The following TCF15 variants were observed in gnomAD, a reference collection of about 807,000 sequenced individuals.
TCF15 encodes TCF-15.
TCF15 carries 7 observed loss-of-function variants against 11.1 expected under a neutral mutation model. The observed-to-expected ratio is 0.63, with a 90% CI of 0.36 to 1.19. The LOEUF is 1.19. Ranked by LOEUF, TCF15 falls within the 50% of genes most tolerant of loss-of-function variation. The pLI is 0.02. For missense variants in TCF15, 288 were observed against 289.4 expected, an observed-to-expected ratio of 1.00 and a Z score of 0.03; for synonymous variants, 144 against 138.9, an observed-to-expected ratio of 1.04 and a Z score of -0.26.
chr20:609,957 G>A lies in TCF15; in HGVS notation c.281C>T (p.Ala94Val), dbSNP rs752008505. The change falls in exon 1 of 2, where the codon GCG (alanine) becomes GTG (valine). Residue 94 changes from alanine (A) to valine (V), a missense_variant. Ala to Val is a moderately conservative substitution (Grantham distance 64). Transcript: ENST00000246080. This position sits in a 1 kb window ranked among gnomAD's most constrained non-coding sequence, Gnocchi z 4.7. Reference sequence around the variant, plus strand: ...CTCGGTGGGGATGAGCGTGCGCAGCGCCGTGAAGGCCGTGTTCACGCTCTG... The same window carrying A: ...CTCGGTGGGGATGAGCGTGCGCAGCACCGTGAAGGCCGTGTTCACGCTCTG... ...RTQSVNTAFT[A>V]LRTLIPTEPV... The A allele has an allele frequency of 5.4e-6, 8 of 1,479,192 alleles. No homozygotes were observed. Among genetic ancestry groups the A allele is most frequent in the Non-Finnish European group, 7.1e-6 (8 of 1,121,820 alleles). The allele number at this position is 1,479,192 out of a possible 1,614,324, so 91.6% of individuals were successfully genotyped here. A position where few individuals can be genotyped will look rare whatever the true frequency, so the allele number is the denominator to read the frequency against.
chr20:610,284 C>CGCCCCGCCGT lies in TCF15; in HGVS notation c.-57_-48dup. ...GTGCGCCGCGTCCCAGCGTCGGCCG[C>CGCCCCGCCGT]GCCCCGCCGTGCGCTCCCGCGCGCT... On this transcript the variant is annotated 5_prime_UTR_variant, in exon 1 of 2. Coordinates refer to ENST00000246080, the MANE Select transcript of TCF15 (RefSeq NM_004609.4). 1 of 987,842 alleles carries CGCCCCGCCGT rather than the reference C, an allele frequency of 1.0e-6. No homozygotes were observed. The highest frequency in any genetic ancestry group is 1.2e-6 in the Non-Finnish European group (1 of 832,264). 61.2% of individuals were successfully genotyped at this position (987,842 alleles called of 1,614,324 possible).
In TCF15 at chr20:610,079, G is replaced by A. The variant is rs188157; in HGVS notation, c.159C>T (p.Pro53=). ...GPEAARRGPG[P]GGGRRAGGGG... is the part of the protein sequence containing the mutation. The stretch of plus-strand genomic sequence containing the variant: ...CGCCGCCCGCCCGCCGCCCGCCCCC[G>A]GGGCCCGGGCCGCGCCGCGCCGCCT... Residue 53 remains proline, a synonymous_variant, in exon 1 of 2, where the codon CCC becomes CCT. Transcript: ENST00000246080. 1 of 985,166 alleles carries A rather than the reference G, an allele frequency of 1.0e-6. No homozygotes were observed. The highest frequency in any genetic ancestry group is 1.2e-6 in the Non-Finnish European group (1 of 831,664). 61.0% of individuals were successfully genotyped at this position (985,166 alleles called of 1,614,324 possible).
In TCF15 at chr20:604,326, G is replaced by T. The variant is rs998851762; in HGVS notation, c.*265C>A. The T allele has an allele frequency of 1.2e-5, 7 of 568,086 alleles. No individual in the cohort carries two copies. Among genetic ancestry groups the T allele is most frequent in the Non-Finnish European group, 1.9e-5 (6 of 315,324 alleles). 35.2% of individuals were successfully genotyped at this position (568,086 alleles called of 1,614,324 possible). On this transcript the variant is annotated 3_prime_UTR_variant, in exon 2 of 2. Transcript: ENST00000246080. This position sits in a 1 kb window ranked among gnomAD's most constrained non-coding sequence, Gnocchi z 4.2. ...TCACACACACTCACACTCACGCACA[G>T]ATACACACACACCCTGTCACCAACA...
chr20:606,446 C>A (rs1403413756), intron 1 of TCF15, among the ~76,000 whole-genome samples: 1 of 152,112 alleles, frequency 6.6e-6, no homozygotes, highest in South Asian at 2.1e-4. Flanking sequence ...GAAATGGGGA[C>A]AAAATGATTT....
chr20:606,136 C>T (rs916031768), intron 1 of TCF15, among the ~76,000 whole-genome samples: 1 of 152,120 alleles, frequency 6.6e-6, no homozygotes, highest in Non-Finnish European at 1.5e-5. Flanking sequence ...AGCCCAGGGA[C>T]AGCATGTTCA....
In TCF15 at chr20:604,664, C is replaced by A. The variant is rs1198332246; in HGVS notation, c.527G>T (p.Gly176Val). The change falls in exon 2 of 2, where the codon GGT becomes GTT. Residue 176 changes from glycine (G) to valine (V), a missense_variant and splice_region_variant. By Grantham distance (109) the Gly-to-Val change is moderately radical. Coordinates refer to ENST00000246080, the MANE Select transcript of TCF15 (RefSeq NM_004609.4). The surrounding 1 kb of genome is among the most constrained non-coding windows in gnomAD (Gnocchi z 4.2). ...TFCLSNQRKG[G>V]GRRDLGGSCL... ...GCTGCCCCCCAGGTCACGACGGCCA[C>A]CCTGCAGAGGGGGAGAAAGAGTATA... 1.3e-6 allele frequency: 2 copies of A among 1,551,516 alleles called. No homozygotes were observed.
In TCF15 at chr20:607,182, CAG is replaced by C. The variant is rs199849541; in HGVS notation, c.526-2519_526-2518del. On this transcript the variant is annotated intron_variant, in intron 1 of 1. Transcript: ENST00000246080. ...CCCAGCTACCCTCTGGGTATACCAA[CAG>C]GGGAGAGCCTTACAAGATGATCCTG... Among the ~76,000 whole-genome samples, 417 of 152,334 alleles carry C rather than the reference CAG, an allele frequency of 2.7e-3. 1 individual carries two copies. The highest frequency in any genetic ancestry group is 9.5e-3 in the African/African-American group (396 of 41,570).
Position 609,234 on chromosome 20 carries a change from G to A in TCF15, c.525+479C>T, listed in dbSNP as rs1029197942. Among the ~76,000 whole-genome samples the A allele has an allele frequency of 1.8e-4, 27 of 152,188 alleles. No individual in the cohort carries two copies. Among genetic ancestry groups the A allele is most frequent in the Non-Finnish European group, 1.5e-5 (1 of 68,038 alleles). On this transcript the variant is annotated intron_variant, in intron 1 of 1. Coordinates refer to ENST00000246080, the MANE Select transcript of TCF15 (RefSeq NM_004609.4). The surrounding 1 kb of genome is among the most constrained non-coding windows in gnomAD (Gnocchi z 4.7). The stretch of plus-strand genomic sequence containing the variant: ...CACACCGGGCAAGCCCAGGGCCAGC[G>A]CCCCGGCTTCCCAGCTGAGTAAATG...
Position 609,771 on chromosome 20 carries a change from T to G in TCF15, c.467A>C (p.Asp156Ala). The G allele has an allele frequency of 7.1e-7, 1 of 1,408,796 alleles. No individual in the cohort carries two copies. Among genetic ancestry groups the G allele is most frequent in the Admixed American group, 3.5e-5 (1 of 28,852 alleles). 87.3% of individuals were successfully genotyped at this position (1,408,796 alleles called of 1,614,324 possible). A position where few individuals can be genotyped will look rare whatever the true frequency, so the allele number is the denominator to read the frequency against. The change falls in exon 1 of 2, where the codon GAC becomes GCC. Residue 156 changes from aspartate (D) to alanine (A), a missense_variant. By Grantham distance (126) the Asp-to-Ala change is moderately radical. Transcript: ENST00000246080. The surrounding 1 kb of genome is among the most constrained non-coding windows in gnomAD (Gnocchi z 4.7). The stretch of plus-strand genomic sequence containing the variant: ...GATGGAGCGCGGCTGGCGGCCGCCG[T>G]CGGCGGCGGCGGGGACGGCGCCCTT... ...SAKGAVPAAA[D>A]GGRQPRSICT...
At position 609,754 on chromosome 20, in the gene TCF15, G is replaced by A. The variant is rs754374242; in HGVS notation, c.484C>T (p.Arg162Cys). The A allele has an allele frequency of 2.0e-5, 28 of 1,404,002 alleles. No individual in the cohort carries two copies. Among genetic ancestry groups the A allele is most frequent in the East Asian group, 3.0e-5 (1 of 32,860 alleles). 87.0% of individuals were successfully genotyped at this position (1,404,002 alleles called of 1,614,324 possible). Residue 162 changes from arginine (R) to cysteine (C), a missense_variant, in exon 1 of 2, where the codon CGC (arginine) becomes TGC (cysteine). Physicochemically the swap from Arg to Cys is radical, Grantham distance 180. Transcript: ENST00000246080. This position sits in a 1 kb window ranked among gnomAD's most constrained non-coding sequence, Gnocchi z 4.7. ...CTGAGGCAGAAGGTGCAGATGGAGC[G>A]CGGCTGGCGGCCGCCGTCGGCGGCG... is the stretch of plus-strand genomic sequence containing the variant. ...PAAADGGRQP[R>C]SICTFCLSNQ...
chr20:605,790 G>C (rs941336169), intron 1 of TCF15, among the ~76,000 whole-genome samples: 4 of 152,232 alleles, frequency 2.6e-5, no homozygotes, highest in Non-Finnish European at 5.9e-5. Flanking sequence ...CCGTAAGCCA[G>C]AGAGGTCACA....
intron 1 of TCF15, among the ~76,000 whole-genome samples, chr20:608,978 T>A (rs182544642): frequency 1.3e-5 from 2 of 152,112 alleles, no homozygotes; most frequent in Non-Finnish European, 2.9e-5. Flanking sequence ...CCAGGACACA[T>A]TGCAGGAGCT....
chr20:610,150 C>T lies in TCF15; in HGVS notation c.88G>A (p.Glu30Lys). Residue 30 changes from glutamate (E) to lysine (K), a missense_variant, in exon 1 of 2, where the codon GAG becomes AAG. Coordinates refer to ENST00000246080, the MANE Select transcript of TCF15 (RefSeq NM_004609.4). ...AACGACTGGTCCGACGCGTCGCTCT[C>T]GCTGCGGTTCTCCTCGTCCTCGCTC... ...LLSEDEENRS[E>K]SDASDQSFGC... The T allele has an allele frequency of 9.6e-7, 1 of 1,037,528 alleles. No individual in the cohort carries two copies. Among genetic ancestry groups the T allele is most frequent in the Non-Finnish European group, 1.2e-6 (1 of 858,328 alleles). The allele number at this position is 1,037,528 out of a possible 1,614,324, so 64.3% of individuals were successfully genotyped here. A position where few individuals can be genotyped will look rare whatever the true frequency, so the allele number is the denominator to read the frequency against.
Position 610,062 on chromosome 20 carries a change from G to GCCCC in TCF15, c.175_176insGGGG (p.Ala59GlyfsTer123). On this transcript the variant is annotated frameshift_variant, in exon 1 of 2. Transcript: ENST00000246080. LOFTEE classifies it high-confidence loss of function. ...GGGGCCCGCGCCGCCGCCGCCGCCC[G>GCCCC]CCCGCCGCCCGCCCCCGGGGCCCGG... is the stretch of plus-strand genomic sequence containing the variant. The GCCCC allele has an allele frequency of 9.7e-7, 1 of 1,026,608 alleles. No homozygotes were observed. Among genetic ancestry groups the GCCCC allele is most frequent in the Non-Finnish European group, 1.2e-6 (1 of 858,664 alleles). 63.6% of individuals were successfully genotyped at this position (1,026,608 alleles called of 1,614,324 possible). A position where few individuals can be genotyped will look rare whatever the true frequency, so the allele number is the denominator to read the frequency against.
At chr20:608,379 T>A (rs899448996) in intron 1 of TCF15, among the ~76,000 whole-genome samples, 7 of 152,118 alleles carry the variant, frequency 4.6e-5, no homozygotes, top group African/African-American at 1.7e-4. Context: ...TGAAAGGCAG[T>A]CAGGGAGTAT....
Position 604,704 on chromosome 20 carries a change from G to C in TCF15, c.526-39C>G. ...GAAAGAGTATAAAGAGGTTCGATTA[G>C]GCCAGTGTGAACACTGGAACTAACC... is the stretch of plus-strand genomic sequence containing the variant. On this transcript the variant is annotated intron_variant, in intron 1 of 1. Transcript: ENST00000246080. The surrounding 1 kb of genome is among the most constrained non-coding windows in gnomAD (Gnocchi z 4.2). The C allele has an allele frequency of 2.0e-6, 3 of 1,500,296 alleles. No homozygotes were observed. The highest frequency in any genetic ancestry group is 2.5e-5 in the South Asian group (2 of 79,288). The allele number at this position is 1,500,296 out of a possible 1,614,324, so 92.9% of individuals were successfully genotyped here.
intron 1 of TCF15, among the ~76,000 whole-genome samples, chr20:606,817 CAAA>C (rs529592184): frequency 1.1e-4 from 7 of 66,182 alleles, no homozygotes; most frequent in Admixed American, 3.3e-4. Flanking sequence ...GACTCCATCG[CAAA>C]AAAAAAAAAA....
At chr20:608,511 G>T (rs2019995232) in intron 1 of TCF15, among the ~76,000 whole-genome samples, 1 of 152,364 alleles carries the variant, frequency 6.6e-6, no homozygotes, top group African/African-American at 2.4e-5. Context: ...ACCCTGGAGA[G>T]GGCACAAGCC....
At position 604,672 on chromosome 20, in the gene TCF15, A is replaced by AG; in HGVS notation, c.526-8dup. The AG allele has an allele frequency of 6.5e-7, 1 of 1,549,316 alleles. No homozygotes were observed. On this transcript the variant is annotated splice_polypyrimidine_tract_variant and splice_region_variant and intron_variant, in intron 1 of 1. Coordinates refer to ENST00000246080, the MANE Select transcript of TCF15 (RefSeq NM_004609.4). The surrounding 1 kb of genome is among the most constrained non-coding windows in gnomAD (Gnocchi z 4.2). ...CCAGGTCACGACGGCCACCCTGCAGAGGGGGAGAAAGAGTATAAAGAGGTT... is the reference window on the plus strand; with the variant it reads ...CCAGGTCACGACGGCCACCCTGCAGAGGGGGGAGAAAGAGTATAAAGAGGTT...
Sources: gnomAD v4.1 joint callset for allele counts (sites outside exome capture counted in the v4.1 genomes callset) on GRCh38, gnomAD v4.1.1 for gene constraint, Gnocchi (gnomAD v3.1) non-coding constraint, MANE v1.5 for transcripts, NCBI Gene and HGNC (gene_info 2026-07-23, HGNC 2026-07-21) for gene names.